ANKRD30B: variants seen among roughly 807,000 people sequenced by gnomAD.
ANKRD30B encodes the protein ankyrin repeat domain 30B, also known as ankyrin repeat domain-containing protein 30B.
Under a neutral mutation model 202.2 loss-of-function variants are expected in ANKRD30B, and 144 were observed. The ratio of observed to expected loss-of-function variants is 0.71; its 90% CI spans 0.62 to 0.82. The LOEUF is 0.82. Among genes scored for constraint, ANKRD30B ranks in the 40% least tolerant of loss-of-function variants. The pLI is 0.00. For synonymous variants in ANKRD30B, 508 were observed against 561.3 expected (o/e 0.91, Z 1.34); for missense variants, 1,487 against 1,669.1 (o/e 0.89, Z 1.90).
chr18:14,765,156 G>T (rs1448959093), intron 7 of ANKRD30B, among the ~76,000 whole-genome samples: 1 of 152,126 alleles, frequency 6.6e-6, no homozygotes, highest in African/African-American at 2.4e-5. Flanking sequence ...CCTGTAAAGT[G>T]CCAGATAGGA....
downstream of ANKRD30B, among the ~76,000 whole-genome samples, chr18:14,856,492 C>A (rs990873906): frequency 7.1e-6 from 1 of 140,702 alleles, no homozygotes; most frequent in Non-Finnish European, 1.6e-5. Flanking sequence ...ACCTCCCAGA[C>A]AATGGGCGGC....
At position 14,748,544 on chromosome 18, in the gene ANKRD30B, T is replaced by C. The variant is rs1272215905; in HGVS notation, c.125T>C (p.Ile42Thr). 5 of 1,555,102 alleles carry C rather than the reference T, an allele frequency of 3.2e-6. No individual in the cohort carries two copies. Among genetic ancestry groups the C allele is most frequent in the Non-Finnish European group, 4.4e-6 (5 of 1,149,010 alleles). Reference protein sequence around the residue: ...GTIYFGDLGKIHTAASRGQVQ... With the variant: ...GTIYFGDLGKTHTAASRGQVQ... Reference sequence around the variant, plus strand: ...ATCTACTTCGGGGATCTAGGGAAGATCCATACAGCTGCCTCCCGGGGCCAA... The same window carrying C: ...ATCTACTTCGGGGATCTAGGGAAGACCCATACAGCTGCCTCCCGGGGCCAA... Residue 42 changes from isoleucine to threonine, a missense_variant, in exon 1 of 44, where the codon ATC (isoleucine) becomes ACC (threonine). This residue lies in a region of ANKRD30B where 889 missense variants were observed against 841.4 expected (regional missense o/e 1.06). Coordinates refer to ENST00000690538, the MANE Select transcript of ANKRD30B (RefSeq NM_001367607.2).
chr18:14,864,173 T>C, the ANKRD30B span, among the ~76,000 whole-genome samples: 45 of 152,050 alleles, frequency 3.0e-4, no homozygotes, highest in Non-Finnish European at 5.3e-4. Flanking sequence ...CATTTAGAAC[T>C]AAAAATGCAA....
chr18:14,767,292 C>T (rs1380858436), intron 7 of ANKRD30B, among the ~76,000 whole-genome samples: 2 of 151,998 alleles, frequency 1.3e-5, no homozygotes, highest in African/African-American at 2.4e-5. Flanking sequence ...TTCTAAGACA[C>T]CCGGTGAATG....
At chr18:14,871,335 G>T in the ANKRD30B span, among the ~76,000 whole-genome samples, 1 of 149,744 alleles carries the variant, frequency 6.7e-6, no homozygotes, top group African/African-American at 2.5e-5. Context: ...GGTTGGTCAT[G>T]GTCCCAGCAG....
At chr18:14,909,851 A>G in the ANKRD30B span, 6 of 152,174 alleles carry the variant, frequency 3.9e-5, no homozygotes, top group African/African-American at 1.2e-4. Context: ...AGCACACAAT[A>G]CTAGCATCTA....
chr18:14,793,881 G>C (rs1968693569), intron 16 of ANKRD30B, among the ~76,000 whole-genome samples: 1 of 150,708 alleles, frequency 6.6e-6, no homozygotes. Context: ...GCGACAGGGC[G>C]AGACACCGAC....
At chr18:14,836,538 GC>G (rs897522468) in intron 34 of ANKRD30B, among the ~76,000 whole-genome samples, 15 of 151,784 alleles carry the variant, frequency 9.9e-5, no homozygotes, top group African/African-American at 3.1e-4. Flanking sequence ...TTCTAGTTTT[GC>G]CCCATCTCCC....
At chr18:14,763,524 T>C (rs184036010) in intron 6 of ANKRD30B, among the ~76,000 whole-genome samples, 162 bp from the exon 7 acceptor site, 102 of 152,048 alleles carry the variant, frequency 6.7e-4, no homozygotes, top group African/African-American at 2.4e-3. Context: ...CACTCTAGCC[T>C]GGGTAACAGA....
In ANKRD30B at chr18:14,778,051, A is replaced by G; in HGVS notation, c.1396A>G (p.Lys466Glu). The G allele has an allele frequency of 6.5e-7, 1 of 1,547,530 alleles. No individual in the cohort carries two copies. The highest frequency in any genetic ancestry group is 8.7e-7 in the Non-Finnish European group (1 of 1,143,736). Residue 466 changes from lysine to glutamate, a missense_variant, in exon 10 of 44, where the codon AAA (lysine) becomes GAA (glutamate). Lys to Glu is a moderately conservative substitution (Grantham distance 56). This residue lies in a region of ANKRD30B where 889 missense variants were observed against 841.4 expected (regional missense o/e 1.06). Transcript: ENST00000690538. ...TGATGCTACATATCAAAAAGATATC[A>G]AAACAATAAATCACAAAATAGAAGG... ...LPDATYQKDI[K>E]TINHKIEDQM...
At chr18:14,827,220 C>G (rs1970705873) in intron 32 of ANKRD30B, among the ~76,000 whole-genome samples, 2 of 152,136 alleles carry the variant, frequency 1.3e-5, no homozygotes, top group African/African-American at 4.8e-5. Flanking sequence ...GGGCAGATAG[C>G]ATATACAAAG....
At chr18:14,789,798 G>A (rs1246669899) in intron 15 of ANKRD30B, among the ~76,000 whole-genome samples, 5 of 152,172 alleles carry the variant, frequency 3.3e-5, no homozygotes, top group African/African-American at 1.2e-4. Flanking sequence ...CTGAAGCCTT[G>A]TAGTATAGTT....
chr18:14,839,331 A>C (rs1156265147), intron 36 of ANKRD30B, among the ~76,000 whole-genome samples: 1 of 152,198 alleles, frequency 6.6e-6, no homozygotes, highest in African/African-American at 2.4e-5. Context: ...TCTTTCTGCA[A>C]CTGCCATTTA....
chr18:14,784,401 T>C, intron 13 of ANKRD30B, 37 bp downstream of exon 13: 1 of 1,612,376 alleles, frequency 6.2e-7, no homozygotes, highest in Non-Finnish European at 8.5e-7. Context: ...AATGACTTAT[T>C]AACTATGTAC....
At chr18:14,754,092 A>T (rs766616948) in intron 3 of ANKRD30B, among the ~76,000 whole-genome samples, 8 of 152,140 alleles carry the variant, frequency 5.3e-5, no homozygotes, top group Admixed American at 1.3e-4. Context: ...GTAATAGGAG[A>T]AACCTCATGG....
chr18:14,781,291 T>TATGCCATGCA (rs1372459174), intron 11 of ANKRD30B, among the ~76,000 whole-genome samples: 17 of 132,310 alleles, frequency 1.3e-4, no homozygotes, highest in African/African-American at 1.7e-4. Context: ...GAGTATTCTT[T>TATGCCATGCA]TTTTTTTTTT....
At chr18:14,765,249 A>G (rs1915926722) in intron 7 of ANKRD30B, among the ~76,000 whole-genome samples, 1 of 152,024 alleles carries the variant, frequency 6.6e-6, no homozygotes, top group Non-Finnish European at 1.5e-5. Context: ...TCGTGAGGTT[A>G]GGAGTTCGTT....
At chr18:14,836,729 T>C (rs183408341) in intron 34 of ANKRD30B, among the ~76,000 whole-genome samples, 4 of 152,196 alleles carry the variant, frequency 2.6e-5, no homozygotes, top group Non-Finnish European at 4.4e-5. Context: ...GCTCTGACTG[T>C]GTTCCAGTTT....
intron 30 of ANKRD30B, among the ~76,000 whole-genome samples, chr18:14,818,068 G>C (rs1308004466): frequency 1.3e-5 from 2 of 152,082 alleles, no homozygotes; most frequent in African/African-American, 4.8e-5. Context: ...AAAAAGTAGA[G>C]AAAAATGAGA....
Sources: allele counts gnomAD v4.1 joint callset (sites outside exome capture counted in the v4.1 genomes callset), GRCh38; gene constraint gnomAD v4.1.1; regional missense constraint gnomAD v4.1.1; transcripts MANE v1.5; gene names NCBI Gene and HGNC (gene_info 2026-07-23, HGNC 2026-07-21).